Variants in CUX1 observed in about 807,000 individuals in gnomAD.
The protein encoded by CUX1 is cut like homeobox 1.
CUX1 carries 31 observed loss-of-function variants against 158.8 expected under a neutral mutation model. That is an observed-to-expected ratio of 0.20 (90% CI 0.15 to 0.26). The LOEUF (loss-of-function observed/expected upper bound fraction) is 0.26. CUX1 is among the 10% of genes least tolerant of loss of function. CUX1 has a pLI of 1.00. For synonymous variants in CUX1, 879 were observed against 862.1 expected (o/e 1.02, Z -0.34); for missense variants, 1,589 against 2,014.6 (o/e 0.79, Z 4.04).
At chr7:102,279,917 G>A in intron 18 of CUX1, 1 of 694,346 alleles carries the variant, frequency 1.4e-6, no homozygotes, top group East Asian at 2.6e-5. Context: ...CTGAGATCTA[G>A]GGCTCCCTCC....
chr7:102,085,881 T>C, intron 4 of CUX1, among the ~76,000 whole-genome samples: 1 of 152,218 alleles, frequency 6.6e-6, no homozygotes, highest in East Asian at 1.9e-4. Flanking sequence ...TTCATCAGTG[T>C]TGCCATCCAG....
chr7:102,209,754 C>T (rs1480473580), intron 20 of CUX1, among the ~76,000 whole-genome samples: 1 of 152,212 alleles, frequency 6.6e-6, no homozygotes, highest in Non-Finnish European at 1.5e-5. Flanking sequence ...CTTCATCCCT[C>T]ATTTCTGGAC....
At chr7:101,988,568 A>C (rs1472913733) in intron 2 of CUX1, among the ~76,000 whole-genome samples, 6 of 147,804 alleles carry the variant, frequency 4.1e-5, no homozygotes, top group South Asian at 2.3e-4. Flanking sequence ...CTGCCTTTCC[A>C]CCTCTGCCTT....
intron 2 of CUX1, among the ~76,000 whole-genome samples, chr7:102,016,345 C>T (rs943695363): frequency 6.6e-6 from 1 of 152,226 alleles, no homozygotes; most frequent in African/African-American, 2.4e-5. Flanking sequence ...ACTCATGTCT[C>T]ACCTGCCACA....
chr7:102,044,130 G>A lies in CUX1; in HGVS notation c.189+15985G>A, dbSNP rs192555570. Among the ~76,000 whole-genome samples, 4 of 151,846 alleles carry A rather than the reference G, an allele frequency of 2.6e-5. No individual in the cohort carries two copies. The East Asian group carries it at 7.8e-4, about 30-fold the overall frequency. ...TCCCAAAGTTTTTGGGATTACGTGA[G>A]CCACTGCGCCAGGCCTTATGTGTTT... On this transcript the variant is annotated intron_variant, in intron 3 of 23. Transcript: ENST00000292535.
intron 1 of CUX1, among the ~76,000 whole-genome samples, chr7:101,823,185 C>T (rs1336781302): frequency 1.3e-5 from 2 of 152,088 alleles, no homozygotes; most frequent in Admixed American, 6.6e-5. Context: ...AGTTCGTCGC[C>T]CAATCCCTGG....
chr7:102,100,259 C>T (rs1330200044), intron 5 of CUX1, among the ~76,000 whole-genome samples: 1 of 152,174 alleles, frequency 6.6e-6, no homozygotes, highest in African/African-American at 2.4e-5. Flanking sequence ...GTCTGGGCAA[C>T]AGAGCGAGAC....
chr7:101,848,827 C>CATA (rs1440325996), intron 1 of CUX1, among the ~76,000 whole-genome samples: 1 of 147,328 alleles, frequency 6.8e-6, no homozygotes, highest in Non-Finnish European at 1.5e-5. Flanking sequence ...GCCTGGGCAA[C>CATA]ATAGCAAGAC....
chr7:102,204,405 C>T lies in CUX1; in HGVS notation c.2922C>T (p.Ser974=). 6 of 1,613,472 alleles carry T rather than the reference C, an allele frequency of 3.7e-6. No homozygotes were observed. Among genetic ancestry groups the T allele is most frequent in the Non-Finnish European group, 5.1e-6 (6 of 1,179,986 alleles). ...TGCCACTCCAGGTGCTGGGCCTGTCCCAGGGCAGCGTCAGCGACATGCTGT... is the reference window on the plus strand; with the variant it reads ...TGCCACTCCAGGTGCTGGGCCTGTCTCAGGGCAGCGTCAGCGACATGCTGT... The part of the protein sequence containing the change: ...RIFGEKVLGL[S]QGSVSDMLSR... The change falls in exon 19 of 24, where the codon TCC becomes TCT. Residue 974 remains serine (S), a synonymous_variant. Transcript: ENST00000292535.
chr7:102,059,191 C>T (rs531360909), intron 3 of CUX1, among the ~76,000 whole-genome samples: 1 of 152,324 alleles, frequency 6.6e-6, no homozygotes, highest in African/African-American at 2.4e-5. Context: ...TTTGTAAACT[C>T]AAGGAGAATA....
chr7:101,929,344 CA>C (rs1806030630), intron 2 of CUX1, among the ~76,000 whole-genome samples: 1 of 152,156 alleles, frequency 6.6e-6, no homozygotes. Flanking sequence ...GCATTAGTTT[CA>C]CTGTTCATAG....
exon 23 of CUX1, chr7:102,283,417 TG>T: frequency 2.8e-6 from 1 of 357,176 alleles, no homozygotes; most frequent in South Asian, 3.7e-5. Flanking sequence ...CGAGGCTAAT[TG>T]GGTGACCACC....
At chr7:101,952,146 G>C (rs1809140419) in intron 2 of CUX1, among the ~76,000 whole-genome samples, 1 of 152,156 alleles carries the variant, frequency 6.6e-6, no homozygotes, top group Non-Finnish European at 1.5e-5. Flanking sequence ...CCAATACTTT[G>C]AGAGGCCAAG....
chr7:102,051,202 C>T (rs752118658), intron 3 of CUX1, among the ~76,000 whole-genome samples: 25 of 152,266 alleles, frequency 1.6e-4, no homozygotes, highest in Admixed American at 1.5e-3. Flanking sequence ...GAACACGTCT[C>T]TGTGTCTTTG....
chr7:101,994,319 G>C (rs1025333621), intron 2 of CUX1, among the ~76,000 whole-genome samples: 15 of 152,186 alleles, frequency 9.9e-5, no homozygotes, highest in African/African-American at 3.4e-4. Context: ...AAGAAGATTT[G>C]AGGCCAGGGG....
intron 17 of CUX1, among the ~76,000 whole-genome samples, chr7:102,275,704 T>C (rs1791556332): frequency 6.6e-6 from 1 of 152,118 alleles, no homozygotes; most frequent in Admixed American, 6.5e-5. Context: ...AGCCAGGCAG[T>C]GGCACTGCAA....
chr7:102,051,654 C>CAAAAAAAAAAAAAAAAAAAAAA (rs1299911064), intron 3 of CUX1, among the ~76,000 whole-genome samples: 52 of 89,728 alleles, frequency 5.8e-4, no homozygotes, highest in African/African-American at 2.0e-3. Flanking sequence ...GACTCTGTCT[C>CAAAAAAAAAAAAAAAAAAAAAA]AAAAAAAAAA....
chr7:102,126,983 T>A (rs1298958795), intron 8 of CUX1, among the ~76,000 whole-genome samples: 1 of 152,206 alleles, frequency 6.6e-6, no homozygotes, highest in Non-Finnish European at 1.5e-5. Context: ...ATCCCTCGCA[T>A]GCGCAGTTCA....
At position 102,254,344 on chromosome 7, in the gene CUX1, C is replaced by T; in HGVS notation, c.*5302C>T. On this transcript the variant is annotated 3_prime_UTR_variant, in exon 24 of 24. Transcript: ENST00000292535. ...GGAACACTGTAGCTCTTGGGTGTCT[C>T]TTGTCTCTGGCATGGTTTTAGCGTC... is the stretch of plus-strand genomic sequence containing the variant. 2 of 985,476 alleles carry T rather than the reference C, an allele frequency of 2.0e-6. No individual in the cohort carries two copies. Among genetic ancestry groups the T allele is most frequent in the Non-Finnish European group, 2.4e-6 (2 of 829,996 alleles). The allele number at this position is 985,476 out of a possible 1,614,324, so 61.0% of individuals were successfully genotyped here.
Sources: gnomAD v4.1 joint callset for allele counts (sites outside exome capture counted in the v4.1 genomes callset) on GRCh38, gnomAD v4.1.1 for gene constraint, MANE v1.5 for transcripts, NCBI Gene and HGNC (gene_info 2026-07-23, HGNC 2026-07-21) for gene names.